Variants in FHIT observed in about 807,000 individuals in gnomAD.
The protein encoded by FHIT is fragile histidine triad diadenosine triphosphatase.
Under a neutral mutation model 17.9 loss-of-function variants are expected in FHIT, and 19 were observed. That is an observed-to-expected ratio of 1.06 (90% CI 0.74 to 1.56). FHIT has a LOEUF of 1.56. Ranked by LOEUF, FHIT falls within the 40% of genes most tolerant of loss-of-function variation. FHIT has a pLI of 0.00. For synonymous variants in FHIT, 81 were observed against 69.7 expected (o/e 1.16, Z -0.81); for missense variants, 248 against 189.2 (o/e 1.31, Z -1.82).
At chr3:60,655,839 A>C (rs2040102101) in intron 4 of FHIT, among the ~76,000 whole-genome samples, 2 of 152,194 alleles carry the variant, frequency 1.3e-5, no homozygotes, top group African/African-American at 4.8e-5. Context: ...TTGGATGCAC[A>C]GCTAGGTACA....
At chr3:60,768,514 G>C (rs1010450699) in intron 4 of FHIT, among the ~76,000 whole-genome samples, 2 of 152,188 alleles carry the variant, frequency 1.3e-5, no homozygotes, top group African/African-American at 2.4e-5. Context: ...TGACCAATAA[G>C]GACTTCACCA....
intron 5 of FHIT, among the ~76,000 whole-genome samples, chr3:60,534,038 T>C (rs1172710882): frequency 1.3e-5 from 2 of 152,154 alleles, no homozygotes; most frequent in Non-Finnish European, 2.9e-5. Flanking sequence ...CATTTATTTA[T>C]GAAATGTTAG....
intron 8 of FHIT, among the ~76,000 whole-genome samples, chr3:59,839,505 G>T (rs1701455879): frequency 6.6e-6 from 1 of 152,030 alleles, no homozygotes; most frequent in Admixed American, 6.6e-5. Context: ...TAAATATGTT[G>T]TACCCGGTAA....
intron 5 of FHIT, among the ~76,000 whole-genome samples, chr3:60,351,504 G>C (rs58389255): frequency 2.0e-5 from 3 of 152,150 alleles, no homozygotes; most frequent in South Asian, 4.1e-4. Context: ...GTCAAGAGCA[G>C]GGTCAGGGAA....
intron 1 of FHIT, among the ~76,000 whole-genome samples, chr3:61,238,428 A>T (rs1020320425): frequency 6.6e-6 from 1 of 152,202 alleles, no homozygotes; most frequent in Non-Finnish European, 1.5e-5. Context: ...TGCAGGGGAG[A>T]CAGCCATCAG....
At chr3:60,451,883 G>T (rs543621860) in intron 5 of FHIT, among the ~76,000 whole-genome samples, 1 of 152,202 alleles carries the variant, frequency 6.6e-6, no homozygotes, top group South Asian at 2.1e-4. Flanking sequence ...CTATGAAGAT[G>T]ACTTAAAGAT....
intron 2 of FHIT, among the ~76,000 whole-genome samples, chr3:61,122,250 G>A (rs1159375085): frequency 6.6e-6 from 1 of 152,158 alleles, no homozygotes; most frequent in Non-Finnish European, 1.5e-5. Flanking sequence ...AACAAGCAAT[G>A]GGGAAAGGAT....
At chr3:60,015,739 G>C (rs1286217264) in intron 5 of FHIT, among the ~76,000 whole-genome samples, 1 of 152,088 alleles carries the variant, frequency 6.6e-6, no homozygotes. Flanking sequence ...AACTCGGTGG[G>C]GGAGGAAGAC....
rs782492352 is a variant in FHIT, at chr3:60,584,987, G to T, written c.-17-48008C>A. On this transcript the variant is annotated intron_variant, in intron 4 of 9. Transcript: ENST00000492590. Reference sequence around the variant, plus strand: ...TTTTGAATTTATTTTTTCTGCATTTGCTGCCTTCATCTTAGTTTTGCATCA... The same window carrying T: ...TTTTGAATTTATTTTTTCTGCATTTTCTGCCTTCATCTTAGTTTTGCATCA... Among the ~76,000 whole-genome samples, 69 of 151,936 alleles carry T rather than the reference G, an allele frequency of 4.5e-4. 1 individual carries two copies. The highest frequency in any genetic ancestry group is 8.5e-4 in the Admixed American group (13 of 15,220).
intron 1 of FHIT, among the ~76,000 whole-genome samples, chr3:61,215,633 G>A (rs2039649204): frequency 6.6e-6 from 1 of 152,102 alleles, no homozygotes; most frequent in African/African-American, 2.4e-5. Flanking sequence ...TCACAGAATT[G>A]GAATAAACTA....
intron 8 of FHIT, among the ~76,000 whole-genome samples, chr3:59,787,344 G>T (rs1380199282): frequency 6.6e-5 from 10 of 151,964 alleles, no homozygotes; most frequent in Admixed American, 5.3e-4. Context: ...ATTATCTGTG[G>T]CCTTTAAGCA....
At chr3:59,920,071 G>T (rs1358753156) in intron 8 of FHIT, among the ~76,000 whole-genome samples, 1 of 152,174 alleles carries the variant, frequency 6.6e-6, no homozygotes, top group Admixed American at 6.5e-5. Flanking sequence ...CCAATGACCT[G>T]GCTTTGAATC....
intron 4 of FHIT, among the ~76,000 whole-genome samples, chr3:60,756,156 A>G (rs1169265008): frequency 1.3e-5 from 2 of 152,228 alleles, no homozygotes; most frequent in African/African-American, 4.8e-5. Context: ...TAAACAAAAG[A>G]CAAAAAACTT....
chr3:60,450,204 C>G (rs894521335), intron 5 of FHIT, among the ~76,000 whole-genome samples: 2 of 138,894 alleles, frequency 1.4e-5, no homozygotes, highest in Non-Finnish European at 2.9e-5. Flanking sequence ...TAAGGTTACA[C>G]TAAATTTATT....
chr3:59,768,734 A>G (rs1264744721), intron 8 of FHIT, among the ~76,000 whole-genome samples: 1 of 152,242 alleles, frequency 6.6e-6, no homozygotes, highest in Non-Finnish European at 1.5e-5. Flanking sequence ...TTATCACAGT[A>G]GATATTCAGA....
chr3:60,367,502 A>G (rs2107036249), intron 5 of FHIT, among the ~76,000 whole-genome samples: 1 of 152,350 alleles, frequency 6.6e-6, no homozygotes, highest in Non-Finnish European at 1.5e-5. Flanking sequence ...AGGAAGTGGG[A>G]AAATCTCAAA....
At chr3:60,850,365 C>CTCTCTT in intron 3 of FHIT, among the ~76,000 whole-genome samples, 1 of 147,462 alleles carries the variant, frequency 6.8e-6, no homozygotes, top group East Asian at 2.0e-4. Flanking sequence ...CTCTCTCTCT[C>CTCTCTT]TCATGCTCTG....
At chr3:60,205,753 C>T (rs1703142031) in intron 5 of FHIT, among the ~76,000 whole-genome samples, 1 of 152,030 alleles carries the variant, frequency 6.6e-6, no homozygotes, top group Non-Finnish European at 1.5e-5. Flanking sequence ...TCTTGAATTT[C>T]ATGGTCATAT....
intron 2 of FHIT, among the ~76,000 whole-genome samples, chr3:61,160,229 A>G (rs2037648463): frequency 6.6e-6 from 1 of 151,280 alleles, no homozygotes; most frequent in Non-Finnish European, 1.5e-5. Flanking sequence ...CTGGAAGAGA[A>G]CTCAGATATC....
Sources: allele counts gnomAD v4.1 joint callset (sites outside exome capture counted in the v4.1 genomes callset), GRCh38; gene constraint gnomAD v4.1.1; transcripts MANE v1.5; gene names NCBI Gene and HGNC (gene_info 2026-07-23, HGNC 2026-07-21).